BMPR1B: variants seen among roughly 807,000 people sequenced by gnomAD.
BMPR1B encodes the protein bone morphogenetic protein receptor type 1B.
In BMPR1B, 12 loss-of-function variants were observed where a neutral mutation model predicts 59.1. The ratio of observed to expected loss-of-function variants is 0.20; its 90% confidence interval spans 0.13 to 0.33. BMPR1B has a LOEUF of 0.33. Ranked by LOEUF, BMPR1B falls within the 10% of genes least tolerant of loss-of-function variation. The probability of loss-of-function intolerance (pLI) is 1.00; values close to 1 mark genes in which losing one functional copy is unlikely to be tolerated. For missense variants in BMPR1B, 550 were observed against 610.9 expected, an observed-to-expected ratio of 0.90 and a Z score of 1.05; for synonymous variants, 237 against 207.3, an observed-to-expected ratio of 1.14 and a Z score of -1.23.
intron 10 of BMPR1B, among the ~76,000 whole-genome samples, chr4:95,144,777 C>T (rs959275698): frequency 6.6e-6 from 1 of 152,102 alleles, no homozygotes; most frequent in African/African-American, 2.4e-5. Context: ...CAACCATTCT[C>T]CATGGGAAAG....
chr4:94,838,772 T>G (rs1429631457), intron 1 of BMPR1B, among the ~76,000 whole-genome samples: 1 of 131,262 alleles, frequency 7.6e-6, no homozygotes, highest in African/African-American at 3.0e-5. Context: ...AGTTCTGCTC[T>G]GATTTTAGTT....
chr4:94,964,321 T>A (rs1420074995), intron 2 of BMPR1B, among the ~76,000 whole-genome samples: 1 of 152,206 alleles, frequency 6.6e-6, no homozygotes, highest in Non-Finnish European at 1.5e-5. Context: ...TCTTTCTTTC[T>A]CTTGTCTAAT....
chr4:95,071,626 GTGTGTT>G (rs1413400211), intron 3 of BMPR1B, among the ~76,000 whole-genome samples: 9 of 98,542 alleles, frequency 9.1e-5, no homozygotes, highest in African/African-American at 2.8e-4. Flanking sequence ...GAATATATAT[GTGTGTT>G]TGTGTGTGTG....
At chr4:95,133,738 A>ATT (rs113650137) in intron 10 of BMPR1B, among the ~76,000 whole-genome samples, 5 of 144,242 alleles carry the variant, frequency 3.5e-5, no homozygotes, top group African/African-American at 1.3e-4. Flanking sequence ...TGCCTGGCTA[A>ATT]TTTTTTTTTT....
At chr4:95,053,322 T>TGTGTGTGTGTGTGA (rs1190178382) in intron 3 of BMPR1B, among the ~76,000 whole-genome samples, 1 of 145,718 alleles carries the variant, frequency 6.9e-6, no homozygotes, top group South Asian at 2.2e-4. Context: ...TGTGTGTGTG[T>TGTGTGTGTGTGTGA]GATGTGCCTG....
intron 10 of BMPR1B, among the ~76,000 whole-genome samples, chr4:95,143,185 A>C (rs1209461812): frequency 6.6e-6 from 1 of 152,194 alleles, no homozygotes; most frequent in Non-Finnish European, 1.5e-5. Flanking sequence ...ACGCCATACC[A>C]GGCAGCAGTG....
At chr4:95,040,940 G>C (rs1725611069) in intron 3 of BMPR1B, among the ~76,000 whole-genome samples, 1 of 152,078 alleles carries the variant, frequency 6.6e-6, no homozygotes, top group Non-Finnish European at 1.5e-5. Context: ...CTGCCTCGCT[G>C]TACCTCCTAA....
At chr4:94,784,266 C>T (rs1722685755) in intron 1 of BMPR1B, among the ~76,000 whole-genome samples, 1 of 151,978 alleles carries the variant, frequency 6.6e-6, no homozygotes, top group African/African-American at 2.4e-5. Context: ...ACTTAGGAAT[C>T]CAGGTATAGT....
intron 1 of BMPR1B, among the ~76,000 whole-genome samples, chr4:94,780,739 A>G (rs1247505637): frequency 1.1e-4 from 13 of 121,884 alleles, no homozygotes; most frequent in Non-Finnish European, 1.6e-4. Context: ...CCCAGGCTGG[A>G]GTGCAGTGGT....
At chr4:95,112,088 A>G (rs1269047167) in intron 4 of BMPR1B, among the ~76,000 whole-genome samples, 1 of 152,126 alleles carries the variant, frequency 6.6e-6, no homozygotes, top group African/African-American at 2.4e-5. Flanking sequence ...CAGGGACAGC[A>G]TTTTTGAAAT....
At chr4:94,985,675 T>G (rs761141577) in intron 2 of BMPR1B, among the ~76,000 whole-genome samples, 1 of 152,108 alleles carries the variant, frequency 6.6e-6, no homozygotes, top group Non-Finnish European at 1.5e-5. Flanking sequence ...TCCTGTGGTG[T>G]TACTGAAAGA....
intron 2 of BMPR1B, among the ~76,000 whole-genome samples, chr4:94,936,637 C>G (rs1729311185): frequency 6.6e-6 from 1 of 152,020 alleles, no homozygotes; most frequent in African/African-American, 2.4e-5. Context: ...TTATCTTGAT[C>G]TGTTTCTTCT....
At chr4:94,799,702 T>C (rs1723333055) in intron 1 of BMPR1B, among the ~76,000 whole-genome samples, 1 of 151,620 alleles carries the variant, frequency 6.6e-6, no homozygotes, top group South Asian at 2.1e-4. Flanking sequence ...GTTTTTGTTT[T>C]TGTTCTGAGA....
At chr4:94,786,115 T>G (rs557979971) in intron 1 of BMPR1B, among the ~76,000 whole-genome samples, 2 of 152,280 alleles carry the variant, frequency 1.3e-5, no homozygotes, top group African/African-American at 4.8e-5. Flanking sequence ...CCATAATAAT[T>G]CGGGTATTAT....
intron 2 of BMPR1B, among the ~76,000 whole-genome samples, chr4:94,979,786 C>T (rs1267185188): frequency 1.3e-5 from 2 of 152,192 alleles, no homozygotes; most frequent in African/African-American, 4.8e-5. Context: ...TTCTTCTTGG[C>T]CACACCAGCT....
intron 1 of BMPR1B, among the ~76,000 whole-genome samples, chr4:94,864,853 C>T (rs1287355455): frequency 6.6e-6 from 1 of 152,038 alleles, no homozygotes; most frequent in African/African-American, 2.4e-5. Context: ...TGGTAAAACC[C>T]ATAGTTACAG....
chr4:94,828,417 G>A (rs1034521751), intron 1 of BMPR1B, among the ~76,000 whole-genome samples: 1 of 152,122 alleles, frequency 6.6e-6, no homozygotes, highest in Non-Finnish European at 1.5e-5. Context: ...CTTTTAAAGA[G>A]TCCAATGTAG....
Position 94,870,263 on chromosome 4 carries a change from G to A in BMPR1B, c.-182-5568G>A, listed in dbSNP as rs192435793. Among the ~76,000 whole-genome samples, 385 of 152,224 alleles carry A rather than the reference G, an allele frequency of 2.5e-3. 1 individual carries two copies. Among genetic ancestry groups the A allele is most frequent in the African/African-American group, 8.5e-3 (354 of 41,528 alleles). ...CTTGGAATGCACTCTTGAAGAATAGGTTTTTGGCTCTCAAGGACCTTCGTA... is the reference window on the plus strand; with the variant it reads ...CTTGGAATGCACTCTTGAAGAATAGATTTTTGGCTCTCAAGGACCTTCGTA... On this transcript the variant is annotated intron_variant, in intron 1 of 12. Transcript: ENST00000515059.
chr4:94,943,783 G>T (rs1471905097), intron 2 of BMPR1B, among the ~76,000 whole-genome samples: 1 of 152,130 alleles, frequency 6.6e-6, no homozygotes, highest in Non-Finnish European at 1.5e-5. Context: ...CTTTTTAATT[G>T]TCCTGAATTC....
Sources: gnomAD v4.1 joint callset for allele counts (sites outside exome capture counted in the v4.1 genomes callset) on GRCh38, gnomAD v4.1.1 for gene constraint, MANE v1.5 for transcripts, NCBI Gene and HGNC (gene_info 2026-07-23, HGNC 2026-07-21) for gene names.